RPRD2: variants seen among roughly 807,000 people sequenced by gnomAD.
RPRD2 encodes regulation of nuclear pre-mRNA domain-containing protein 2.
RPRD2 carries 12 observed loss-of-function variants against 104.4 expected under a neutral mutation model. The observed-to-expected ratio is 0.11, with a 90% CI of 0.07 to 0.19. RPRD2 has a LOEUF of 0.19. RPRD2 is among the 10% of genes least tolerant of loss of function. The pLI, the probability that RPRD2 is intolerant of heterozygous loss-of-function variation, is 1.00. For missense variants in RPRD2, 1,543 were observed against 1,790.1 expected, an observed-to-expected ratio of 0.86 and a Z score of 2.49; for synonymous variants, 714 against 684.9, an observed-to-expected ratio of 1.04 and a Z score of -0.66.
chr1:150,382,366 TA>T (rs1553880960), intron 1 of RPRD2, among the ~76,000 whole-genome samples: 1 of 152,206 alleles, frequency 6.6e-6, no homozygotes, highest in Non-Finnish European at 1.5e-5. Context: ...TTTATGTTTT[TA>T]TAGCTTTTTT....
chr1:150,385,085 GAGCCA>G (rs1273361676), intron 1 of RPRD2, among the ~76,000 whole-genome samples: 2 of 152,060 alleles, frequency 1.3e-5, no homozygotes, highest in Non-Finnish European at 2.9e-5. Flanking sequence ...TTGTAACACT[GAGCCA>G]AGATTACTTT....
intron 1 of RPRD2, among the ~76,000 whole-genome samples, chr1:150,388,368 G>GTATA (rs1197163000): frequency 1.7e-5 from 2 of 117,746 alleles, no homozygotes; most frequent in Non-Finnish European, 3.8e-5. Context: ...ATATATACAT[G>GTATA]TATACACATA....
chr1:150,455,688 TATTG>T (rs1364275631), intron 7 of RPRD2, among the ~76,000 whole-genome samples: 5 of 151,622 alleles, frequency 3.3e-5, no homozygotes, highest in Admixed American at 6.6e-5. Flanking sequence ...TAATTATGAA[TATTG>T]ATTCATTAAT....
rs587713086 is a variant in RPRD2 at position 150,433,156 on chromosome 1, T to A, written c.336-7767T>A. 3.9e-5 allele frequency among the ~76,000 whole-genome samples: 6 copies of A among 152,196 alleles called. No homozygotes were observed. In the South Asian group the frequency reaches 1.2e-3, roughly 32 times the overall value. On this transcript the variant is annotated intron_variant, in intron 2 of 10. Transcript: ENST00000369068. ...TACTATGTACCCATAAAAATTTTTT[T>A]AAATTTTTAAAAAGGACTACAATTA...
intron 1 of RPRD2, among the ~76,000 whole-genome samples, chr1:150,400,331 T>C (rs1236573344): frequency 6.6e-6 from 1 of 152,200 alleles, no homozygotes; most frequent in Non-Finnish European, 1.5e-5. Flanking sequence ...TTTCTTCCTT[T>C]CTAATCTATA....
intron 1 of RPRD2, among the ~76,000 whole-genome samples, chr1:150,394,487 T>A (rs1694362): frequency 0.3 from 45,345 of 152,184 alleles, 8,226 homozygotes; most frequent in Non-Finnish European, 0.4. Context: ...AAATGTTGTA[T>A]ATATAGAGAG....
chr1:150,378,491 T>TC (rs782061827), intron 1 of RPRD2, among the ~76,000 whole-genome samples: 1 of 152,094 alleles, frequency 6.6e-6, no homozygotes, highest in East Asian at 1.9e-4. Context: ...TTTATAGTGT[T>TC]CCATGGACAG....
At chr1:150,410,642 C>CT (rs1298207438) in intron 1 of RPRD2, among the ~76,000 whole-genome samples, 15 of 151,942 alleles carry the variant, frequency 9.9e-5, no homozygotes, top group South Asian at 2.1e-4. Context: ...CACACACACA[C>CT]TTTTTTTTTC....
intron 1 of RPRD2, among the ~76,000 whole-genome samples, chr1:150,379,442 A>G (rs1282425026): frequency 6.6e-6 from 1 of 151,062 alleles, no homozygotes; most frequent in South Asian, 2.1e-4. Flanking sequence ...TGCTTTTGTT[A>G]CCTAGGCTAG....
At chr1:150,448,602 A>T (rs1237854475) in intron 7 of RPRD2, among the ~76,000 whole-genome samples, 1 of 152,236 alleles carries the variant, frequency 6.6e-6, no homozygotes, top group Admixed American at 6.5e-5. Context: ...CTCTGTAAAC[A>T]TTGTTCATTG....
At chr1:150,466,933 T>G (rs587662328) in intron 10 of RPRD2, among the ~76,000 whole-genome samples, 1 of 152,292 alleles carries the variant, frequency 6.6e-6, no homozygotes, top group South Asian at 2.1e-4. Context: ...GGAGGACACT[T>G]GGCAATATTT....
intron 1 of RPRD2, among the ~76,000 whole-genome samples, chr1:150,390,910 T>C (rs989824956): frequency 2.0e-5 from 3 of 152,094 alleles, no homozygotes; most frequent in African/African-American, 7.2e-5. Flanking sequence ...CATATGCATA[T>C]GAAGGAAGGG....
intron 2 of RPRD2, among the ~76,000 whole-genome samples, chr1:150,418,372 C>G (rs1444143755): frequency 6.6e-6 from 1 of 152,142 alleles, no homozygotes. Context: ...AATGTGCTTC[C>G]TTCTAACTGC....
intron 1 of RPRD2, among the ~76,000 whole-genome samples, chr1:150,387,199 G>A (rs1661629148): frequency 6.6e-6 from 1 of 152,106 alleles, no homozygotes; most frequent in Non-Finnish European, 1.5e-5. Flanking sequence ...ACGTATAAGT[G>A]AGACCTGTGC....
intron 7 of RPRD2, among the ~76,000 whole-genome samples, chr1:150,447,417 C>T (rs1280146933): frequency 6.6e-6 from 1 of 151,056 alleles, no homozygotes; most frequent in Non-Finnish European, 1.5e-5. Flanking sequence ...TCACTTCAAC[C>T]TCCGCCTCCT....
At chr1:150,366,443 C>G (rs1659849540) in intron 1 of RPRD2, among the ~76,000 whole-genome samples, 1 of 152,160 alleles carries the variant, frequency 6.6e-6, no homozygotes, top group African/African-American at 2.4e-5. Flanking sequence ...CTGTGTTTAC[C>G]AATAACCGAT....
intron 1 of RPRD2, among the ~76,000 whole-genome samples, chr1:150,369,670 C>T (rs587602721): frequency 1.3e-4 from 18 of 139,480 alleles, no homozygotes; most frequent in South Asian, 4.4e-4. Flanking sequence ...GGGGTTTCAC[C>T]GTGGTCTGGA....
At position 150,364,655 on chromosome 1, in the gene RPRD2, CCCG is replaced by C. The variant is rs373198505; in HGVS notation, c.-36_-34del. On this transcript the variant is annotated 5_prime_UTR_variant, in exon 1 of 11. Coordinates refer to ENST00000369068, the MANE Select transcript of RPRD2 (RefSeq NM_015203.5). ...ACTCGCAGTGATTGTTTTGCCCGCT[CCCG>C]CCGCCGCCGCCGCCGCCGCCGCCAG... The C allele has an allele frequency of 0.016, 13,113 of 805,744 alleles. No individual in the cohort carries two copies. Among genetic ancestry groups the C allele is most frequent in the South Asian group, 0.02 (1,073 of 52,730 alleles). The allele number at this position is 805,744 out of a possible 1,614,324, so 49.9% of individuals were successfully genotyped here. A position where few individuals can be genotyped will look rare whatever the true frequency, so the allele number is the denominator to read the frequency against.
At chr1:150,438,524 G>C (rs782013939) in intron 2 of RPRD2, among the ~76,000 whole-genome samples, 1 of 151,808 alleles carries the variant, frequency 6.6e-6, no homozygotes, top group Non-Finnish European at 1.5e-5. Flanking sequence ...AGCTACCCCG[G>C]AGGCGGAGGC....
Sources: allele counts gnomAD v4.1 joint callset (sites outside exome capture counted in the v4.1 genomes callset), GRCh38; gene constraint gnomAD v4.1.1; transcripts MANE v1.5; gene names NCBI Gene and HGNC (gene_info 2026-07-23, HGNC 2026-07-21).